Variants in RET observed in about 807,000 individuals in gnomAD.
RET encodes the protein ret proto-oncogene.
RET carries 19 observed loss-of-function variants against 118.3 expected under a neutral mutation model. That is an observed-to-expected ratio of 0.16 (90% CI 0.11 to 0.24). RET has a LOEUF of 0.24. RET is among the 10% of genes least tolerant of loss of function. The pLI is 1.00. For synonymous variants in RET, 597 were observed against 644.1 expected (o/e 0.93, Z 1.11); for missense variants, 1,219 against 1,502.1 (o/e 0.81, Z 3.12).
intron 1 of RET, among the ~76,000 whole-genome samples, chr10:43,089,849 T>C (rs1416712719): frequency 2.0e-5 from 3 of 152,246 alleles, no homozygotes; most frequent in Non-Finnish European, 4.4e-5. Flanking sequence ...ATACTCTTGT[T>C]ATCATCAGAC....
At chr10:43,080,305 C>T (rs771382536) in intron 1 of RET, among the ~76,000 whole-genome samples, 13 of 152,366 alleles carry the variant, frequency 8.5e-5, no homozygotes, top group Non-Finnish European at 1.8e-4. Context: ...GCCGAAGACC[C>T]TCTAGGTCCC....
chr10:43,097,496 T>C (rs536329789), intron 1 of RET, among the ~76,000 whole-genome samples: 3 of 152,262 alleles, frequency 2.0e-5, no homozygotes, highest in Admixed American at 2.0e-4. Context: ...TGGACCCCAC[T>C]GCCTGCATGG....
intron 3 of RET, among the ~76,000 whole-genome samples, chr10:43,103,352 AG>A (rs929919318): frequency 2.7e-4 from 41 of 152,184 alleles, no homozygotes; most frequent in Admixed American, 2.3e-3. Context: ...AGAAGGCTAC[AG>A]GAGAAACCTC....
At position 43,125,079 on chromosome 10, in the gene RET, G is replaced by A. The variant is rs1838302070; in HGVS notation, c.3039+97G>A. The A allele has an allele frequency of 1.2e-5, 13 of 1,097,824 alleles. No homozygotes were observed. In the East Asian group the frequency reaches 2.5e-4, roughly 21 times the overall value. The allele number at this position is 1,097,824 out of a possible 1,614,324, so 68.0% of individuals were successfully genotyped here. A position where few individuals can be genotyped will look rare whatever the true frequency, so the allele number is the denominator to read the frequency against. On this transcript the variant is annotated intron_variant, in intron 18 of 19. Transcript: ENST00000355710. ...AGTTTTAGCCCTCAGAGTTCCCAGT[G>A]TGGGGCCACAGTGGGATTGTGCAGA...
At chr10:43,127,473 T>A in intron 19 of RET, 3 of 1,045,036 alleles carry the variant, frequency 2.9e-6, no homozygotes, top group Non-Finnish European at 3.5e-6. Context: ...CCAAAACTCC[T>A]TCTTTTGTCT....
intron 15 of RET, among the ~76,000 whole-genome samples, chr10:43,121,663 A>G (rs1020889843): frequency 6.6e-6 from 1 of 152,190 alleles, no homozygotes; most frequent in Non-Finnish European, 1.5e-5. Context: ...TGCATAGGGA[A>G]GCACTGCTCT....
intron 9 of RET, 39 bp downstream of exon 9, chr10:43,113,002 G>C (rs1337228160): frequency 6.5e-7 from 1 of 1,543,700 alleles, no homozygotes. Context: ...ACAGGTAGGA[G>C]ATAGTAGGGG....
intron 5 of RET, among the ~76,000 whole-genome samples, chr10:43,107,879 A>C (rs1467095105): frequency 6.6e-6 from 1 of 152,224 alleles, no homozygotes; most frequent in Non-Finnish European, 1.5e-5. Flanking sequence ...AGGTAGATGC[A>C]GAGATTCTTT....
Position 43,123,782 on chromosome 10 carries a change from G to A in RET, c.2913G>A (p.Glu971=), listed in dbSNP as rs876660184. Reference sequence around the variant, plus strand: ...TTCTGAAGACCGGCCACCGGATGGAGAGGCCAGACAACTGCAGCGAGGAGA... The same window carrying A: ...TTCTGAAGACCGGCCACCGGATGGAAAGGCCAGACAACTGCAGCGAGGAGA... ...FNLLKTGHRM[E]RPDNCSEEMY... The change falls in exon 17 of 20, where the codon GAG becomes GAA. Residue 971 remains glutamate, a synonymous_variant. Transcript: ENST00000355710. The A allele has an allele frequency of 6.2e-7, 1 of 1,614,162 alleles. No homozygotes were observed. The highest frequency in any genetic ancestry group is 8.5e-7 in the Non-Finnish European group (1 of 1,180,040).
chr10:43,125,036 G>A, intron 18 of RET, 54 bp downstream of exon 18: 2 of 1,538,802 alleles, frequency 1.3e-6, no homozygotes, highest in South Asian at 2.2e-5. Flanking sequence ...GGAGACTCCA[G>A]CCTCACCCCA....
At chr10:43,105,843 T>C (rs1272596563) in intron 4 of RET, among the ~76,000 whole-genome samples, 1 of 151,010 alleles carries the variant, frequency 6.6e-6, no homozygotes, top group African/African-American at 2.4e-5. Context: ...TGGGCCTCCC[T>C]GGGGTGACAG....
Position 43,128,204 on chromosome 10 carries a change from A to G in RET, c.3280A>G (p.Ser1094Gly), listed in dbSNP as rs1171787901. Residue 1094 changes from serine (S) to glycine (G), a missense_variant, in exon 20 of 20, where the codon AGT becomes GGT. By Grantham distance (56) the Ser-to-Gly change is moderately conservative. Transcript: ENST00000355710. ...TGGGTTTCCAAGATATCCAAATGATAGTGTATATGCTAACTGGATGCTTTC... is the reference window on the plus strand; with the variant it reads ...TGGGTTTCCAAGATATCCAAATGATGGTGTATATGCTAACTGGATGCTTTC... The part of the protein sequence containing the change: ...NTGFPRYPND[S>G]VYANWMLSPS... 7 of 1,614,088 alleles carry G rather than the reference A, an allele frequency of 4.3e-6. No individual in the cohort carries two copies. Among genetic ancestry groups the G allele is most frequent in the Non-Finnish European group, 1.7e-6 (2 of 1,180,034 alleles).
chr10:43,103,401 G>T (rs1031171318), intron 3 of RET, among the ~76,000 whole-genome samples: 1 of 152,170 alleles, frequency 6.6e-6, no homozygotes, highest in Non-Finnish European at 1.5e-5. Context: ...CGGGATACGG[G>T]TGGAAGCCGA....
chr10:43,115,224 A>G (rs1289597665), intron 11 of RET, among the ~76,000 whole-genome samples: 2 of 152,214 alleles, frequency 1.3e-5, no homozygotes, highest in Non-Finnish European at 2.9e-5. Flanking sequence ...AGAGGCTCAG[A>G]GCCAAGGGTG....
intron 1 of RET, among the ~76,000 whole-genome samples, chr10:43,081,619 C>A (rs2132528359): frequency 6.6e-6 from 1 of 152,300 alleles, no homozygotes; most frequent in African/African-American, 2.4e-5. Flanking sequence ...GTCTTCTGTG[C>A]CCCATGGGGT....
At chr10:43,112,598 G>A (rs1051416312) in intron 8 of RET, among the ~76,000 whole-genome samples, 4 of 152,198 alleles carry the variant, frequency 2.6e-5, no homozygotes, top group Admixed American at 2.6e-4. Flanking sequence ...ACCATGAGGG[G>A]CCCTCACCAT....
chr10:43,093,556 G>T (rs1189439806), intron 1 of RET, among the ~76,000 whole-genome samples: 1 of 152,198 alleles, frequency 6.6e-6, no homozygotes, highest in African/African-American at 2.4e-5. Context: ...CCAGGGCCTG[G>T]ATATGGCTGG....
At chr10:43,122,085 G>A (rs556606661) in intron 16 of RET, 69 bp downstream of exon 16, 29 of 1,240,234 alleles carry the variant, frequency 2.3e-5, no homozygotes, top group Middle Eastern at 1.9e-4. Flanking sequence ...GTGGGGCCAC[G>A]ACGCCCGTCT....
In RET at chr10:43,123,784, G is replaced by A. The variant is rs1384605415; in HGVS notation, c.2915G>A (p.Arg972Lys). The change falls in exon 17 of 20, where the codon AGG (arginine) becomes AAG (lysine). Residue 972 changes from arginine (R) to lysine (K), a missense_variant. Arg to Lys is a conservative substitution (Grantham distance 26, BLOSUM62 2). Coordinates refer to ENST00000355710, the MANE Select transcript of RET (RefSeq NM_020975.6). ...CTGAAGACCGGCCACCGGATGGAGA[G>A]GCCAGACAACTGCAGCGAGGAGATG... ...NLLKTGHRMERPDNCSEEMYR... is the reference protein window; with the variant it reads ...NLLKTGHRMEKPDNCSEEMYR... 2 of 1,614,042 alleles carry A rather than the reference G, an allele frequency of 1.2e-6. No homozygotes were observed. The highest frequency in any genetic ancestry group is 1.7e-6 in the Non-Finnish European group (2 of 1,180,054).
Sources: allele counts gnomAD v4.1 joint callset (sites outside exome capture counted in the v4.1 genomes callset), GRCh38; gene constraint gnomAD v4.1.1; transcripts MANE v1.5; gene names NCBI Gene and HGNC (gene_info 2026-07-23, HGNC 2026-07-21).